The following TMEM117 variants were observed in gnomAD, a reference collection of about 807,000 sequenced individuals.
TMEM117 encodes transmembrane protein 117.
TMEM117 carries 27 observed loss-of-function variants against 52.4 expected under a neutral mutation model. The ratio of observed to expected loss-of-function variants is 0.51; its 90% CI spans 0.38 to 0.71. TMEM117 has a LOEUF of 0.71. TMEM117 is among the 30% of genes least tolerant of loss of function. TMEM117 has a pLI of 0.00. For synonymous variants in TMEM117, 215 were observed against 206.3 expected (o/e 1.04, Z -0.36); for missense variants, 556 against 630.5 (o/e 0.88, Z 1.26).
chr12:44,139,643 A>G (rs537354032), intron 3 of TMEM117, among the ~76,000 whole-genome samples: 1 of 152,276 alleles, frequency 6.6e-6, no homozygotes, highest in South Asian at 2.1e-4. Flanking sequence ...GATTTTCTAG[A>G]TAGTGGAAAA....
At chr12:44,390,422 G>A (rs1952155521), downstream of TMEM117, among the ~76,000 whole-genome samples, 1 of 152,032 alleles carries the variant, frequency 6.6e-6, no homozygotes. Flanking sequence ...GAAAGTCATT[G>A]TCTTATAGAA....
intron 5 of TMEM117, among the ~76,000 whole-genome samples, chr12:44,286,675 T>C (rs1264968690): frequency 6.6e-6 from 1 of 152,140 alleles, no homozygotes; most frequent in Non-Finnish European, 1.5e-5. Flanking sequence ...GGAGTTAGAA[T>C]AAAGGAGCAG....
chr12:44,002,700 A>G (rs1318845990), intron 3 of TMEM117, among the ~76,000 whole-genome samples: 2 of 151,940 alleles, frequency 1.3e-5, no homozygotes, highest in Admixed American at 6.6e-5. Context: ...CTCATATCTC[A>G]TGATTATCGA....
At position 43,965,780 on chromosome 12, in the gene TMEM117, G is replaced by T. The variant is rs1945474358; in HGVS notation, c.410+21438G>T. On this transcript the variant is annotated intron_variant, in intron 3 of 7. Transcript: ENST00000266534. ...TTGACTTTTATTTTAGATTCAGGGG[G>T]TACATGTGCGGGTTTGTTACATGGT... Among the ~76,000 whole-genome samples the T allele has an allele frequency of 3.9e-5, 6 of 152,182 alleles. 1 individual carries two copies. In the South Asian group the frequency reaches 1.2e-3, roughly 32 times the overall value.
chr12:44,264,805 T>C (rs1290437857), intron 5 of TMEM117, among the ~76,000 whole-genome samples: 1 of 152,036 alleles, frequency 6.6e-6, no homozygotes, highest in African/African-American at 2.4e-5. Flanking sequence ...CTAAAAGAAT[T>C]GAAAATAAAT....
At chr12:44,069,183 A>G (rs1200807091) in intron 3 of TMEM117, among the ~76,000 whole-genome samples, 4 of 152,216 alleles carry the variant, frequency 2.6e-5, no homozygotes, top group Admixed American at 6.5e-5. Flanking sequence ...GTTTTTTAAA[A>G]TGTTACATTT....
intron 2 of TMEM117, among the ~76,000 whole-genome samples, chr12:43,921,610 C>T (rs1410986277): frequency 6.6e-6 from 1 of 152,170 alleles, no homozygotes; most frequent in African/African-American, 2.4e-5. Context: ...CCTTCTCTTT[C>T]TTCCTTCTGA....
intron 3 of TMEM117, among the ~76,000 whole-genome samples, chr12:44,031,854 G>T (rs1218339684): frequency 2.0e-5 from 3 of 152,160 alleles, no homozygotes; most frequent in Non-Finnish European, 2.9e-5. Context: ...AGGAAAAACT[G>T]GTTATTTTAC....
chr12:44,096,301 T>G (rs552659025), intron 3 of TMEM117, among the ~76,000 whole-genome samples: 40 of 152,110 alleles, frequency 2.6e-4, no homozygotes, highest in Non-Finnish European at 4.7e-4. Flanking sequence ...AGGTAATTTA[T>G]AGATTCAATG....
chr12:43,935,785 A>G (rs1217142147), intron 2 of TMEM117, among the ~76,000 whole-genome samples: 1 of 152,218 alleles, frequency 6.6e-6, no homozygotes, highest in Non-Finnish European at 1.5e-5. Context: ...AATCCCAGAT[A>G]TAAAATATTA....
chr12:43,876,091 A>G (rs746093346), intron 2 of TMEM117, among the ~76,000 whole-genome samples: 1 of 152,224 alleles, frequency 6.6e-6, no homozygotes, highest in Non-Finnish European at 1.5e-5. Flanking sequence ...AAGGTACAAG[A>G]GAAAAGTGTG....
the TMEM117 span, among the ~76,000 whole-genome samples, chr12:43,816,361 A>T: frequency 6.7e-6 from 1 of 149,096 alleles, no homozygotes; most frequent in African/African-American, 2.5e-5. Flanking sequence ...CCCACAACTT[A>T]ACTCACCTCC....
At position 43,907,943 on chromosome 12, in the gene TMEM117, C is replaced by G. The variant is rs1427791071; in HGVS notation, c.278-36267C>G. Among the ~76,000 whole-genome samples, 7 of 88,638 alleles carry G rather than the reference C, an allele frequency of 7.9e-5. No individual in the cohort carries two copies. The Admixed American group carries it at 9.7e-4, about 12-fold the overall frequency. 58.1% of individuals were successfully genotyped at this position (88,638 alleles called of 152,430 possible). On this transcript the variant is annotated intron_variant, in intron 2 of 7. Transcript: ENST00000266534. ...CTCCTCAGGATATTATCCAGGAGAA[C>G]TTCCCCAATCTAGCAAGGCAGGCCA...
chr12:44,079,240 G>A (rs1009163079), intron 3 of TMEM117, among the ~76,000 whole-genome samples: 8 of 152,110 alleles, frequency 5.3e-5, no homozygotes, highest in Non-Finnish European at 1.0e-4. Context: ...TAATGGGATT[G>A]CTGGGTCAAA....
At chr12:43,916,850 G>C (rs201953967) in intron 2 of TMEM117, among the ~76,000 whole-genome samples, 2 of 152,106 alleles carry the variant, frequency 1.3e-5, no homozygotes, top group East Asian at 3.8e-4. Context: ...AGTAGATCTA[G>C]GCTTCTTTTC....
chr12:44,170,519 G>A (rs1949030923), intron 4 of TMEM117, among the ~76,000 whole-genome samples: 1 of 152,060 alleles, frequency 6.6e-6, no homozygotes, highest in South Asian at 2.1e-4. Flanking sequence ...TTTGTAGTAA[G>A]TTTTGAAATT....
intron 5 of TMEM117, among the ~76,000 whole-genome samples, chr12:44,218,703 T>C (rs1164439456): frequency 6.6e-6 from 1 of 152,202 alleles, no homozygotes; most frequent in Non-Finnish European, 1.5e-5. Context: ...CTATCAGACA[T>C]ATGAGACATA....
At chr12:44,124,315 G>A (rs1340766814) in intron 3 of TMEM117, among the ~76,000 whole-genome samples, 1 of 152,082 alleles carries the variant, frequency 6.6e-6, no homozygotes, top group Admixed American at 6.5e-5. Context: ...GAGATGATGG[G>A]GTTTTCTAGA....
chr12:44,054,922 T>G (rs925769015), intron 3 of TMEM117, among the ~76,000 whole-genome samples: 2 of 152,044 alleles, frequency 1.3e-5, no homozygotes, highest in African/African-American at 2.4e-5. Context: ...CCCCGGTGTA[T>G]AGACTGGTCT....
Sources: gnomAD v4.1 joint callset for allele counts (sites outside exome capture counted in the v4.1 genomes callset) on GRCh38, gnomAD v4.1.1 for gene constraint, MANE v1.5 for transcripts, NCBI Gene and HGNC (gene_info 2026-07-23, HGNC 2026-07-21) for gene names.